GALNTL6: variants seen among roughly 807,000 people sequenced by gnomAD.
GALNTL6 encodes the protein polypeptide N-acetylgalactosaminyltransferase like 6, also known as polypeptide N-acetylgalactosaminyltransferase-like 6.
GALNTL6 carries 46 observed loss-of-function variants against 73.7 expected under a neutral mutation model. That is an observed-to-expected ratio of 0.62 (90% CI 0.49 to 0.80). The LOEUF is 0.80. GALNTL6 is among the 30% of genes least tolerant of loss of function. The probability of loss-of-function intolerance (pLI) is 0.00; values close to 1 mark genes in which losing one functional copy is unlikely to be tolerated. For synonymous variants in GALNTL6, 259 were observed against 263.7 expected (o/e 0.98, Z 0.17); for missense variants, 604 against 755.0 (o/e 0.80, Z 2.34).
chr4:172,080,070 C>G (rs961204693), intron 2 of GALNTL6, among the ~76,000 whole-genome samples: 1 of 152,176 alleles, frequency 6.6e-6, no homozygotes, highest in Non-Finnish European at 1.5e-5. Flanking sequence ...TCCTTTTAGG[C>G]ATGACTTTTT....
At chr4:172,033,431 T>C (rs1741831937) in intron 2 of GALNTL6, among the ~76,000 whole-genome samples, 1 of 152,060 alleles carries the variant, frequency 6.6e-6, no homozygotes, top group African/African-American at 2.4e-5. Flanking sequence ...GCTTATGTAG[T>C]GTATTTCTAC....
At chr4:172,709,606 A>G (rs1038237832) in intron 5 of GALNTL6, among the ~76,000 whole-genome samples, 1 of 152,154 alleles carries the variant, frequency 6.6e-6, no homozygotes, top group Admixed American at 6.6e-5. Context: ...GCTGTCAGCA[A>G]CCAGGGCCCT....
intron 3 of GALNTL6, among the ~76,000 whole-genome samples, chr4:172,231,777 G>C (rs1737078479): frequency 6.6e-6 from 1 of 152,042 alleles, no homozygotes; most frequent in Non-Finnish European, 1.5e-5. Context: ...ACTTTTACAT[G>C]AATTGGTATG....
At chr4:172,894,788 A>G (rs1055348336) in intron 8 of GALNTL6, among the ~76,000 whole-genome samples, 10 of 152,122 alleles carry the variant, frequency 6.6e-5, no homozygotes, top group Admixed American at 1.3e-4. Flanking sequence ...GAAGTATTCT[A>G]CTATTATTGT....
At chr4:172,047,862 TTAA>T (rs1275731260) in intron 2 of GALNTL6, among the ~76,000 whole-genome samples, 2 of 152,110 alleles carry the variant, frequency 1.3e-5, no homozygotes, top group African/African-American at 2.4e-5. Flanking sequence ...TTTTTAAAAA[TTAA>T]TATTATTATT....
At chr4:172,963,283 G>C (rs1750168645) in intron 10 of GALNTL6, among the ~76,000 whole-genome samples, 1 of 152,072 alleles carries the variant, frequency 6.6e-6, no homozygotes, top group Non-Finnish European at 1.5e-5. Context: ...TCTCAGTAAG[G>C]TCTTCCCTAG....
intron 7 of GALNTL6, among the ~76,000 whole-genome samples, chr4:172,867,576 C>A (rs1299348460): frequency 6.6e-6 from 1 of 152,206 alleles, no homozygotes; most frequent in Non-Finnish European, 1.5e-5. Context: ...CAGCCTACAT[C>A]ACCTGTACAA....
chr4:173,028,684 A>C (rs1279267535), intron 12 of GALNTL6, among the ~76,000 whole-genome samples: 2 of 152,210 alleles, frequency 1.3e-5, no homozygotes, highest in East Asian at 3.8e-4. Flanking sequence ...TATTGATATG[A>C]GCCCTGCCTT....
rs1739242686 is a variant in GALNTL6 at position 172,628,111 on chromosome 4, C to T, written c.554-181250C>T. Among the ~76,000 whole-genome samples the T allele has an allele frequency of 2.0e-5, 3 of 151,946 alleles. 1 individual carries two copies. In the South Asian group the frequency reaches 6.2e-4, roughly 32 times the overall value. ...GGAATATAAAAAAACTGTCATGCAC[C>T]CTCATCACTCTATATATTTCTTATA... On this transcript the variant is annotated intron_variant, in intron 5 of 12. Coordinates refer to ENST00000506823, the MANE Select transcript of GALNTL6 (RefSeq NM_001034845.3).
intron 5 of GALNTL6, among the ~76,000 whole-genome samples, chr4:172,807,832 GT>G (rs1560966210): frequency 2.6e-5 from 4 of 152,084 alleles, no homozygotes. Context: ...TTTTGTTTTT[GT>G]TTTTTCGGAG....
intron 3 of GALNTL6, among the ~76,000 whole-genome samples, chr4:172,260,638 A>G (rs1327489389): frequency 6.6e-6 from 1 of 151,526 alleles, no homozygotes. Context: ...TTTCAGTACT[A>G]TGTTGAATAG....
intron 10 of GALNTL6, among the ~76,000 whole-genome samples, chr4:172,961,213 G>A: frequency 7.1e-6 from 1 of 140,646 alleles, no homozygotes; most frequent in African/African-American, 2.7e-5. Flanking sequence ...GTGGAGAAGG[G>A]GTAGAGACAC....
At chr4:172,201,372 A>T (rs1735948743) in intron 2 of GALNTL6, among the ~76,000 whole-genome samples, 1 of 150,888 alleles carries the variant, frequency 6.6e-6, no homozygotes, top group Admixed American at 6.6e-5. Flanking sequence ...ACGCCTGGCT[A>T]ATTTTTTGTA....
chr4:173,032,373 C>A (rs1753501333), intron 12 of GALNTL6, among the ~76,000 whole-genome samples: 1 of 151,950 alleles, frequency 6.6e-6, no homozygotes, highest in African/African-American at 2.4e-5. Flanking sequence ...ATGGCGTGAA[C>A]CCGGGAGGCG....
chr4:172,438,692 A>G (rs1163993493), intron 5 of GALNTL6, among the ~76,000 whole-genome samples: 1 of 152,030 alleles, frequency 6.6e-6, no homozygotes. Context: ...GACAGGTCTC[A>G]TTTAAAATTT....
chr4:172,154,596 T>C (rs1171768340), intron 2 of GALNTL6, among the ~76,000 whole-genome samples: 1 of 152,222 alleles, frequency 6.6e-6, no homozygotes, highest in African/African-American at 2.4e-5. Flanking sequence ...GTGAGGTGTT[T>C]TGCTTCTCAA....
intron 5 of GALNTL6, among the ~76,000 whole-genome samples, chr4:172,797,694 AC>A (rs1740358242): frequency 6.6e-6 from 1 of 151,748 alleles, no homozygotes; most frequent in Non-Finnish European, 1.5e-5. Flanking sequence ...ACACACCACC[AC>A]GCCCTGCTAA....
At chr4:172,295,531 G>GTTTTTTTTT (rs58721038) in intron 3 of GALNTL6, among the ~76,000 whole-genome samples, 6 of 73,130 alleles carry the variant, frequency 8.2e-5, no homozygotes, top group Admixed American at 1.7e-4. Flanking sequence ...CTTTTTTTAG[G>GTTTTTTTTT]TTTTTTTTTT....
chr4:171,899,686 A>C (rs1737024791), intron 2 of GALNTL6, among the ~76,000 whole-genome samples: 1 of 152,208 alleles, frequency 6.6e-6, no homozygotes, highest in Non-Finnish European at 1.5e-5. Context: ...AGGAATCTAA[A>C]TTGGAAAACC....
Sources: gnomAD v4.1 joint callset for allele counts (sites outside exome capture counted in the v4.1 genomes callset) on GRCh38, gnomAD v4.1.1 for gene constraint, MANE v1.5 for transcripts, NCBI Gene and HGNC (gene_info 2026-07-23, HGNC 2026-07-21) for gene names.